CADPS: variants seen among roughly 807,000 people sequenced by gnomAD.
CADPS encodes the protein calcium dependent secretion activator.
Under a neutral mutation model 167.3 loss-of-function variants are expected in CADPS, and 57 were observed. The observed-to-expected ratio is 0.34, with a 90% CI of 0.28 to 0.42. The LOEUF (loss-of-function observed/expected upper bound fraction) is 0.42, where lower values mean the gene tolerates loss of function less well. Ranked by LOEUF, CADPS falls within the 20% of genes least tolerant of loss-of-function variation. The pLI is 1.00. For missense variants in CADPS, 1,414 were observed against 1,738.1 expected (o/e 0.81, Z 3.32); for synonymous variants, 676 against 635.3 (o/e 1.06, Z -0.96).
intron 13 of CADPS, among the ~76,000 whole-genome samples, chr3:62,525,607 T>TC (rs398091494): frequency 6.6e-6 from 1 of 151,792 alleles, no homozygotes; most frequent in Admixed American, 6.6e-5. Flanking sequence ...AACAGAGCTA[T>TC]CCCCACTACA....
chr3:62,416,588 G>A (rs971018936), intron 28 of CADPS, among the ~76,000 whole-genome samples: 1 of 152,106 alleles, frequency 6.6e-6, no homozygotes. Context: ...GCTGTGAAAC[G>A]CCTTCAAAAA....
intron 26 of CADPS, among the ~76,000 whole-genome samples, chr3:62,464,897 TTC>T: frequency 6.6e-6 from 1 of 152,220 alleles, no homozygotes; most frequent in East Asian, 1.9e-4. Flanking sequence ...TTTCTGTGAA[TTC>T]TCCTGATTTT....
chr3:62,672,652 C>T (rs1299284628), intron 3 of CADPS, among the ~76,000 whole-genome samples: 1 of 152,112 alleles, frequency 6.6e-6, no homozygotes, highest in Non-Finnish European at 1.5e-5. Flanking sequence ...GAGACAGGGT[C>T]TTTCTTTGTT....
At position 62,553,806 on chromosome 3, in the gene CADPS, A is replaced by G. The variant is rs2077684021; in HGVS notation, c.1753+3599T>C. 1.3e-5 allele frequency among the ~76,000 whole-genome samples: 2 copies of G among 152,234 alleles called. 1 individual carries two copies. Among genetic ancestry groups the G allele is most frequent in the South Asian group, 4.1e-4 (2 of 4,830 alleles). On this transcript the variant is annotated intron_variant, in intron 10 of 29. Transcript: ENST00000383710. ...GTGAACATCCACAAAGTGAAGATCCACATGTCATAACCACAAGGCCATCAG... is the reference window on the plus strand; with the variant it reads ...GTGAACATCCACAAAGTGAAGATCCGCATGTCATAACCACAAGGCCATCAG...
chr3:62,819,933 GTAACCATGAGTA>G (rs2094820539), intron 1 of CADPS, among the ~76,000 whole-genome samples: 1 of 152,078 alleles, frequency 6.6e-6, no homozygotes, highest in African/African-American at 2.4e-5. Flanking sequence ...GAAATAAACT[GTAACCATGAGTA>G]TAACAGCTTT....
intron 23 of CADPS, among the ~76,000 whole-genome samples, chr3:62,476,798 G>A (rs1322692541): frequency 6.6e-6 from 1 of 152,072 alleles, no homozygotes; most frequent in African/African-American, 2.4e-5. Flanking sequence ...AGCCTTTACT[G>A]TAATGCATTT....
At chr3:62,697,862 C>T (rs1219504036) in intron 3 of CADPS, among the ~76,000 whole-genome samples, 1 of 151,922 alleles carries the variant, frequency 6.6e-6, no homozygotes, top group Non-Finnish European at 1.5e-5. Flanking sequence ...TTAGTGATGT[C>T]GAGTATTTTT....
chr3:62,697,794 A>T (rs145098050), intron 3 of CADPS, among the ~76,000 whole-genome samples: 3 of 152,218 alleles, frequency 2.0e-5, no homozygotes, highest in Admixed American at 6.5e-5. Flanking sequence ...AATTATGGCC[A>T]TTCTTGCAGC....
chr3:62,542,679 T>C (rs1335048500), intron 11 of CADPS, among the ~76,000 whole-genome samples: 2 of 152,152 alleles, frequency 1.3e-5, no homozygotes, highest in African/African-American at 2.4e-5. Flanking sequence ...GAGGATGGCT[T>C]CTTTGGAAGC....
chr3:62,650,120 A>G (rs544069185), intron 5 of CADPS, among the ~76,000 whole-genome samples: 16 of 152,306 alleles, frequency 1.1e-4, no homozygotes, highest in African/African-American at 3.8e-4. Flanking sequence ...ATCATATGGT[A>G]GTTTTATGTT....
intron 27 of CADPS, among the ~76,000 whole-genome samples, chr3:62,442,257 G>A (rs960297282): frequency 4.7e-5 from 7 of 149,366 alleles, no homozygotes; most frequent in Admixed American, 3.4e-4. Flanking sequence ...TGTTGCCCAG[G>A]CTGGAGTACA....
intron 1 of CADPS, among the ~76,000 whole-genome samples, chr3:62,813,810 C>A (rs1364925171): frequency 6.6e-6 from 1 of 152,160 alleles, no homozygotes; most frequent in African/African-American, 2.4e-5. Flanking sequence ...TGAACAGACA[C>A]TTCTCAAAAG....
chr3:62,451,390 T>C (rs986008287), intron 26 of CADPS, among the ~76,000 whole-genome samples: 4 of 151,950 alleles, frequency 2.6e-5, no homozygotes, highest in African/African-American at 9.7e-5. Flanking sequence ...CTTAAACCAC[T>C]TCTTTTGCTT....
intron 5 of CADPS, among the ~76,000 whole-genome samples, chr3:62,649,569 T>TTTTTTA (rs2069519345): frequency 8.1e-6 from 1 of 122,762 alleles, no homozygotes; most frequent in Admixed American, 8.0e-5. Flanking sequence ...TTTTTTTTTT[T>TTTTTTA]TTTTTTTTAA....
At chr3:62,468,719 A>G (rs1438397932) in intron 24 of CADPS, among the ~76,000 whole-genome samples, 2 of 151,930 alleles carry the variant, frequency 1.3e-5, no homozygotes, top group African/African-American at 4.8e-5. Context: ...TCTCCCTTTC[A>G]CTCCATACAA....
chr3:62,662,605 C>T (rs924867473), intron 3 of CADPS, among the ~76,000 whole-genome samples: 4 of 152,186 alleles, frequency 2.6e-5, no homozygotes, highest in Admixed American at 1.3e-4. Context: ...CTAAGACAGG[C>T]ATTTGAACGA....
At chr3:62,517,111 G>A (rs1220359101) in intron 14 of CADPS, among the ~76,000 whole-genome samples, 6 of 152,044 alleles carry the variant, frequency 3.9e-5, no homozygotes, top group Non-Finnish European at 8.8e-5. Flanking sequence ...CCCTGCTTGC[G>A]GTTTCCTATT....
chr3:62,675,321 A>C (rs1478305074), intron 3 of CADPS, among the ~76,000 whole-genome samples: 1 of 152,194 alleles, frequency 6.6e-6, no homozygotes, highest in East Asian at 1.9e-4. Flanking sequence ...TGCCTCAAAA[A>C]AGATTGTAGA....
In CADPS at chr3:62,420,541, A is replaced by G. The variant is rs1251062716; in HGVS notation, c.3778-17356T>C. ...GAGGGAAGATGGCAGCAGATTGGGGAGAGCATGGCAGGCAGCACAGGTGGA... is the reference window on the plus strand; with the variant it reads ...GAGGGAAGATGGCAGCAGATTGGGGGGAGCATGGCAGGCAGCACAGGTGGA... On this transcript the variant is annotated intron_variant, in intron 28 of 29. Coordinates refer to ENST00000383710, the MANE Select transcript of CADPS (RefSeq NM_003716.4). This position sits in a 1 kb window ranked among gnomAD's most constrained non-coding sequence, Gnocchi z 4.1. Among the ~76,000 whole-genome samples the G allele has an allele frequency of 6.6e-6, 1 of 152,128 alleles. No homozygotes were observed. The highest frequency in any genetic ancestry group is 2.4e-5 in the African/African-American group (1 of 41,430).
Sources: gnomAD v4.1 joint callset for allele counts (sites outside exome capture counted in the v4.1 genomes callset) on GRCh38, gnomAD v4.1.1 for gene constraint, Gnocchi (gnomAD v3.1) non-coding constraint, MANE v1.5 for transcripts, NCBI Gene and HGNC (gene_info 2026-07-23, HGNC 2026-07-21) for gene names.